The following RIPOR1 variants were observed in gnomAD, a reference collection of about 807,000 sequenced individuals.
RIPOR1 encodes the protein RHO family interacting cell polarization regulator 1, also known as rho family-interacting cell polarization regulator 1.
RIPOR1 carries 58 observed loss-of-function variants against 116.5 expected under a neutral mutation model. That is an observed-to-expected ratio of 0.50 (90% CI 0.40 to 0.62). The LOEUF (loss-of-function observed/expected upper bound fraction) is 0.62, where lower values mean the gene tolerates loss of function less well. Ranked by LOEUF, RIPOR1 falls within the 20% of genes least tolerant of loss-of-function variation. The probability of loss-of-function intolerance (pLI) is 0.00; values close to 1 mark genes in which losing one functional copy is unlikely to be tolerated. For missense variants in RIPOR1, 1,372 were observed against 1,586.2 expected, an observed-to-expected ratio of 0.86 and a Z score of 2.29; for synonymous variants, 605 against 650.0, an observed-to-expected ratio of 0.93 and a Z score of 1.05.
At position 67,540,522 on chromosome 16, in the gene RIPOR1, G is replaced by A. The variant is rs753506741; in HGVS notation, c.675+21G>A. ...ATGAGGTATGAGAATGTGCAGGGAA[G>A]GGCTGGGTCGGTAGGGTCCCAACAC... On this transcript the variant is annotated intron_variant, in intron 9 of 21. Transcript: ENST00000042381. The surrounding 1 kb of genome is among the most constrained non-coding windows in gnomAD (Gnocchi z 4.7). The A allele has an allele frequency of 2.5e-6, 4 of 1,614,018 alleles. No homozygotes were observed. The Admixed American group carries it at 6.7e-5, about 27-fold the overall frequency.
At position 67,540,834 on chromosome 16, in the gene RIPOR1, C is replaced by T. The variant is rs1171100019; in HGVS notation, c.801+130C>T. 3 of 984,700 alleles carry T rather than the reference C, an allele frequency of 3.0e-6. No homozygotes were observed. Among genetic ancestry groups the T allele is most frequent in the Non-Finnish European group, 4.6e-6 (3 of 656,154 alleles). 61.0% of individuals were successfully genotyped at this position (984,700 alleles called of 1,614,324 possible). On this transcript the variant is annotated intron_variant, in intron 10 of 21. Coordinates refer to ENST00000042381, the MANE Select transcript of RIPOR1 (RefSeq NM_024519.4). The surrounding 1 kb of genome is among the most constrained non-coding windows in gnomAD (Gnocchi z 4.7). ...GCCCTGTGAAGATATGATTCCATGA[C>T]CTTCATGATCTCTGTGGCCCTGAGA...
chr16:67,545,693 G>C lies in RIPOR1; in HGVS notation c.3220G>C (p.Asp1074His). 6.3e-7 allele frequency: 1 copy of C among 1,576,858 alleles called. No homozygotes were observed. The highest frequency in any genetic ancestry group is 8.6e-7 in the Non-Finnish European group (1 of 1,161,164). ...VLLVRNLNSD[D>H]QAVVLKALRL... ...ACTGGTGCGGAATCTGAACTCGGAT[G>C]ATCAGGCTGTTGTGCTGAAGGCCCT... Residue 1074 changes from aspartate (D) to histidine (H), a missense_variant, in exon 19 of 22, where the codon GAT becomes CAT. Asp to His is a moderately conservative substitution (Grantham distance 81). Around this residue, in one of 3 missense-constraint regions of RIPOR1, gnomAD observed 1,005 missense variants for 1,144.7 expected, o/e 0.88. Coordinates refer to ENST00000042381, the MANE Select transcript of RIPOR1 (RefSeq NM_024519.4). This position sits in a 1 kb window ranked among gnomAD's most constrained non-coding sequence, Gnocchi z 4.8.
At chr16:67,538,403 C>A in intron 1 of RIPOR1, 21 bp from the exon 2 acceptor site, 1 of 1,553,524 alleles carries the variant, frequency 6.4e-7, no homozygotes, top group Non-Finnish European at 8.7e-7. Flanking sequence ...TGGTACTGGA[C>A]ACCCCCCCGA....
chr16:67,539,746 G>A lies in RIPOR1; in HGVS notation c.355G>A (p.Asp119Asn). ...CCTGCAGGGCTTCCTGTATGATCTG[G>A]ACAAGGTGAGTATGCATGGAATGGT... ...NSRLGFLYDL[D>N]KQVKSIERFL... The change falls in exon 5 of 22, where the codon GAC becomes AAC. Residue 119 changes from aspartate to asparagine, a missense_variant. Physicochemically the swap from Asp to Asn is conservative, Grantham distance 23. This residue lies in a region of RIPOR1 where 202 missense variants were observed against 295.9 expected (regional missense o/e 0.68). Transcript: ENST00000042381. 1 of 1,614,142 alleles carries A rather than the reference G, an allele frequency of 6.2e-7. No individual in the cohort carries two copies. Among genetic ancestry groups the A allele is most frequent in the African/African-American group, 1.3e-5 (1 of 75,022 alleles).
In RIPOR1 at chr16:67,538,410, C is replaced by G. The variant is rs777922839; in HGVS notation, c.-23-14C>G. The stretch of plus-strand genomic sequence containing the variant: ...GATCCGACTGGTACTGGACACCCCC[C>G]CGATCACCCGCAGGGAGCCCCGCGC... On this transcript the variant is annotated splice_polypyrimidine_tract_variant and intron_variant, in intron 1 of 21. Transcript: ENST00000042381. The G allele has an allele frequency of 1.9e-6, 3 of 1,559,728 alleles. No homozygotes were observed. Among genetic ancestry groups the G allele is most frequent in the East Asian group, 2.4e-5 (1 of 41,640 alleles).
chr16:67,540,042 C>T lies in RIPOR1; in HGVS notation c.415-11C>T, dbSNP rs2050928348. On this transcript the variant is annotated splice_polypyrimidine_tract_variant and intron_variant, in intron 6 of 21. Coordinates refer to ENST00000042381, the MANE Select transcript of RIPOR1 (RefSeq NM_024519.4). The surrounding 1 kb of genome is among the most constrained non-coding windows in gnomAD (Gnocchi z 4.7). ...TCAGTCCCCCTACTGTCACCCCACT[C>T]ACCTTCCCAGATCGATGAGCTGTAT... The T allele has an allele frequency of 6.2e-7, 1 of 1,614,128 alleles. No individual in the cohort carries two copies. Among genetic ancestry groups the T allele is most frequent in the Non-Finnish European group, 8.5e-7 (1 of 1,180,006 alleles).
Position 67,539,252 on chromosome 16 carries a change from T to C in RIPOR1, c.336+184T>C, listed in dbSNP as rs367614178. The C allele has an allele frequency of 1.4e-3, 800 of 592,114 alleles. 7 individuals carry two copies. In the South Asian group the frequency reaches 0.016, roughly 12 times the overall value. 36.7% of individuals were successfully genotyped at this position (592,114 alleles called of 1,614,324 possible). A position where few individuals can be genotyped will look rare whatever the true frequency, so the allele number is the denominator to read the frequency against. On this transcript the variant is annotated intron_variant, in intron 4 of 21. Coordinates refer to ENST00000042381, the MANE Select transcript of RIPOR1 (RefSeq NM_024519.4). ...AAACTTTGCTGTGCATACTTTCTGC[T>C]TGGGACTCAGTACCTGCTCCAGGAG...
At position 67,545,562 on chromosome 16, in the gene RIPOR1, G is replaced by C. The variant is rs2051136007; in HGVS notation, c.3190+28G>C. ...GAGGCGGTGGCCCTGATCACATAGTGGCCTCTTGGGGTCTGAGGACATGAG... is the reference window on the plus strand; with the variant it reads ...GAGGCGGTGGCCCTGATCACATAGTCGCCTCTTGGGGTCTGAGGACATGAG... On this transcript the variant is annotated intron_variant, in intron 18 of 21. Coordinates refer to ENST00000042381, the MANE Select transcript of RIPOR1 (RefSeq NM_024519.4). The surrounding 1 kb of genome is among the most constrained non-coding windows in gnomAD (Gnocchi z 4.8). 2 of 1,611,936 alleles carry C rather than the reference G, an allele frequency of 1.2e-6. No homozygotes were observed. The highest frequency in any genetic ancestry group is 1.7e-5 in the Admixed American group (1 of 59,852).
At chr16:67,526,595 C>T (rs571993423), upstream of RIPOR1, among the ~76,000 whole-genome samples, 1 of 152,348 alleles carries the variant, frequency 6.6e-6, no homozygotes, top group Non-Finnish European at 1.5e-5. Flanking sequence ...ACAAATATTT[C>T]TTGAACTCCC....
In RIPOR1 at chr16:67,532,915, G is replaced by A. The variant is rs570845278; in HGVS notation, c.-24+4001G>A. 1.6e-3 allele frequency among the ~76,000 whole-genome samples: 244 copies of A among 152,330 alleles called. 1 individual carries two copies. Among genetic ancestry groups the A allele is most frequent in the African/African-American group, 5.6e-3 (233 of 41,570 alleles). ...ATTGCAGGTTAGAGTGGAGACAGGA[G>A]GTCCCTCAGGAAGGTTCTAGCTCAT... On this transcript the variant is annotated intron_variant, in intron 1 of 21. Transcript: ENST00000042381.
Position 67,546,751 on chromosome 16 carries a change from T to C in RIPOR1, c.*288T>C. The C allele has an allele frequency of 2.0e-6, 1 of 504,208 alleles. No homozygotes were observed. Among genetic ancestry groups the C allele is most frequent in the Non-Finnish European group, 3.6e-6 (1 of 280,562 alleles). The allele number at this position is 504,208 out of a possible 1,614,324, so 31.2% of individuals were successfully genotyped here. ...TTGGTTTTGTATTTTATTTACAGAG[T>C]TTTACAGAAAATAAAAAAGCAAAAT... On this transcript the variant is annotated 3_prime_UTR_variant, in exon 22 of 22. Coordinates refer to ENST00000042381, the MANE Select transcript of RIPOR1 (RefSeq NM_024519.4).
intron 4 of RIPOR1, chr16:67,539,306 A>G (rs2142525169): frequency 1.8e-6 from 1 of 541,268 alleles, no homozygotes; most frequent in South Asian, 2.2e-5. Context: ...GGACCCCTAC[A>G]GACATGGACA....
chr16:67,544,581 C>T lies in RIPOR1; in HGVS notation c.2734-114C>T. 2 of 1,552,730 alleles carry T rather than the reference C, an allele frequency of 1.3e-6. No individual in the cohort carries two copies. The highest frequency in any genetic ancestry group is 2.7e-5 in the African/African-American group (2 of 74,170). ...ATCTGGCCCTTGCTGAATGGAGTAT[C>T]TCCCAACTCTGCAACCCCAACCTCC... On this transcript the variant is annotated intron_variant, in intron 15 of 21. Transcript: ENST00000042381. This position sits in a 1 kb window ranked among gnomAD's most constrained non-coding sequence, Gnocchi z 5.1.
Position 67,538,728 on chromosome 16 carries a change from GA to G in RIPOR1, c.162del (p.Val55CysfsTer27), listed in dbSNP as rs1470784822. On this transcript the variant is annotated frameshift_variant, in exon 3 of 22. Transcript: ENST00000042381. LOFTEE classifies it high-confidence loss of function. The stretch of plus-strand genomic sequence containing the variant: ...CCACGGAAGCCCCCCGCGCTCTCCC[GA>G]GTGTCCAGGATGTTTTCCGTGGCTC... Reference protein sequence around the residue: ...GPPRKPPALSRVSRMFSVAHP... With the variant: ...GPPRKPPALSXVSRMFSVAHP... 1 of 1,613,278 alleles carries G rather than the reference GA, an allele frequency of 6.2e-7. No individual in the cohort carries two copies. The highest frequency in any genetic ancestry group is 1.3e-5 in the African/African-American group (1 of 74,926).
Position 67,537,358 on chromosome 16 carries a change from G to A in RIPOR1, c.-23-1066G>A, listed in dbSNP as rs971904636. ...CAGCTGAGCAGACCCCTCGCCCCCC[G>A]TCGGTCCCCTCCCCGAGGGGAACCC... On this transcript the variant is annotated intron_variant, in intron 1 of 21. Coordinates refer to ENST00000042381, the MANE Select transcript of RIPOR1 (RefSeq NM_024519.4). The surrounding 1 kb of genome is among the most constrained non-coding windows in gnomAD (Gnocchi z 4.6). 5 of 1,223,658 alleles carry A rather than the reference G, an allele frequency of 4.1e-6. No individual in the cohort carries two copies. Among genetic ancestry groups the A allele is most frequent in the Non-Finnish European group, 4.1e-6 (4 of 981,520 alleles). 75.8% of individuals were successfully genotyped at this position (1,223,658 alleles called of 1,614,324 possible). A position where few individuals can be genotyped will look rare whatever the true frequency, so the allele number is the denominator to read the frequency against.
At chr16:67,539,495 G>T in intron 4 of RIPOR1, 1 of 604,062 alleles carries the variant, frequency 1.7e-6, no homozygotes. Flanking sequence ...GCAGGAAAAG[G>T]AATCCCAGGG....
Position 67,542,432 on chromosome 16 carries a change from C to G in RIPOR1, c.1646C>G (p.Thr549Arg). ...CTGCCAGGCCCCACTCACACCACTACAGGCTCTACCTATAGTGCCATTACC... is the reference window on the plus strand; with the variant it reads ...CTGCCAGGCCCCACTCACACCACTAGAGGCTCTACCTATAGTGCCATTACC... Reference protein sequence around the residue: ...SELPGPTHTTTGSTYSAITTT... With the variant: ...SELPGPTHTTRGSTYSAITTT... The change falls in exon 13 of 22, where the codon ACA (threonine) becomes AGA (arginine). Residue 549 changes from threonine to arginine, a missense_variant. Thr to Arg is a moderately conservative substitution (Grantham distance 71). Transcript: ENST00000042381. This position sits in a 1 kb window ranked among gnomAD's most constrained non-coding sequence, Gnocchi z 4.6. 1 of 1,613,842 alleles carries G rather than the reference C, an allele frequency of 6.2e-7. No individual in the cohort carries two copies. Among genetic ancestry groups the G allele is most frequent in the Non-Finnish European group, 8.5e-7 (1 of 1,179,834 alleles).
At chr16:67,546,325 G>A (rs746910212) in intron 21 of RIPOR1, 41 bp from the exon 22 acceptor site, 4 of 1,607,742 alleles carry the variant, frequency 2.5e-6, no homozygotes, top group South Asian at 1.1e-5. Flanking sequence ...AGAGTGGGAT[G>A]GGGCTAGGGC....
rs772493775 is a variant in RIPOR1, at chr16:67,542,816, G to A, written c.2030G>A (p.Ser677Asn). 2 of 1,613,308 alleles carry A rather than the reference G, an allele frequency of 1.2e-6. No individual in the cohort carries two copies. The highest frequency in any genetic ancestry group is 1.7e-6 in the Non-Finnish European group (2 of 1,179,884). ...PTTSPILINV[S>N]PSTSLELATL... ...ACAAGCCCCATCCTTATAAATGTAA[G>A]CCCTTCCACTTCTCTAGAACTTGCT... is the stretch of plus-strand genomic sequence containing the variant. The change falls in exon 13 of 22, where the codon AGC (serine) becomes AAC (asparagine). Residue 677 changes from serine to asparagine, a missense_variant. Transcript: ENST00000042381. This position sits in a 1 kb window ranked among gnomAD's most constrained non-coding sequence, Gnocchi z 4.6.
Sources: gnomAD v4.1 joint callset for allele counts (sites outside exome capture counted in the v4.1 genomes callset) on GRCh38, gnomAD v4.1.1 for gene constraint, gnomAD v4.1.1 regional missense constraint, Gnocchi (gnomAD v3.1) non-coding constraint, MANE v1.5 for transcripts, NCBI Gene and HGNC (gene_info 2026-07-23, HGNC 2026-07-21) for gene names.